STRA8: variants seen among roughly 807,000 people sequenced by gnomAD.
The protein encoded by STRA8 is stimulated by retinoic acid gene 8 protein homolog.
In STRA8, 18 loss-of-function variants were observed where a neutral mutation model predicts 37.1. That is an observed-to-expected ratio of 0.48 (90% CI 0.34 to 0.72). STRA8 has a LOEUF of 0.72. STRA8 is among the 30% of genes least tolerant of loss of function. STRA8 has a pLI of 0.01. For missense variants in STRA8, 357 were observed against 410.4 expected, an observed-to-expected ratio of 0.87 and a Z score of 1.13; for synonymous variants, 168 against 162.9, an observed-to-expected ratio of 1.03 and a Z score of -0.24.
chr7:135,238,195 C>T (rs1414154173), intron 1 of STRA8, among the ~76,000 whole-genome samples: 2 of 152,140 alleles, frequency 1.3e-5, no homozygotes, highest in Admixed American at 1.3e-4. Context: ...CCTCCCTGAG[C>T]CAAGGGGGGG....
At chr7:135,249,717 A>G (rs1832612244) in intron 6 of STRA8, among the ~76,000 whole-genome samples, 1 of 152,278 alleles carries the variant, frequency 6.6e-6, no homozygotes, top group Admixed American at 6.5e-5. Context: ...GATGCATGAC[A>G]GTATCTACCA....
At chr7:135,255,477 A>G (rs1411766136) in intron 8 of STRA8, among the ~76,000 whole-genome samples, 3 of 152,132 alleles carry the variant, frequency 2.0e-5, no homozygotes, top group Non-Finnish European at 2.9e-5. Flanking sequence ...GGGGTCCCCA[A>G]CTCCTAGGCC....
chr7:135,258,622 T>C lies in STRA8; in HGVS notation c.*130T>C. The C allele has an allele frequency of 1.5e-6, 1 of 683,214 alleles. No individual in the cohort carries two copies. The highest frequency in any genetic ancestry group is 2.5e-6 in the Non-Finnish European group (1 of 402,972). The allele number at this position is 683,214 out of a possible 1,614,324, so 42.3% of individuals were successfully genotyped here. ...GGAGTGGGTTGTTCCAGAAGCATTT[T>C]GATGATTTTAGTTTCTGATTATTAT... On this transcript the variant is annotated 3_prime_UTR_variant, in exon 9 of 9. Transcript: ENST00000662584.
chr7:135,234,605 A>T (rs961527059), intron 1 of STRA8, among the ~76,000 whole-genome samples: 1 of 152,164 alleles, frequency 6.6e-6, no homozygotes, highest in Non-Finnish European at 1.5e-5. Context: ...CATTTTTTTT[A>T]AAGTTTAGTC....
At chr7:135,245,966 C>T (rs913042338) in intron 5 of STRA8, 18 of 232,738 alleles carry the variant, frequency 7.7e-5, no homozygotes, top group Non-Finnish European at 1.3e-4. Context: ...CTCAAAGCCC[C>T]TCAGCAGCCA....
At chr7:135,232,385 A>C (rs972153613), upstream of STRA8, among the ~76,000 whole-genome samples, 5 of 152,064 alleles carry the variant, frequency 3.3e-5, no homozygotes, top group African/African-American at 1.2e-4. Flanking sequence ...CCCTAGGTCA[A>C]GGGCTGCGTG....
intron 6 of STRA8, among the ~76,000 whole-genome samples, chr7:135,249,514 G>A (rs1355886958): frequency 7.2e-5 from 11 of 151,762 alleles, no homozygotes; most frequent in African/African-American, 2.4e-4. Flanking sequence ...AACCTGGGAG[G>A]TGGAGGTTGC....
At chr7:135,243,284 T>C (rs763251190) in intron 3 of STRA8, 42 bp from the exon 4 acceptor site, 3 of 1,608,694 alleles carry the variant, frequency 1.9e-6, no homozygotes, top group Non-Finnish European at 2.6e-6. Flanking sequence ...AACAGAGGCC[T>C]GACTTTTCTC....
intron 8 of STRA8, among the ~76,000 whole-genome samples, chr7:135,257,049 T>C (rs1416943226): frequency 6.6e-6 from 1 of 152,204 alleles, no homozygotes; most frequent in East Asian, 1.9e-4. Flanking sequence ...GCCTGGAGAC[T>C]GTGGTCCCAC....
chr7:135,254,952 G>C (rs572465827), intron 7 of STRA8, among the ~76,000 whole-genome samples, 162 bp from the exon 8 acceptor site: 1 of 152,322 alleles, frequency 6.6e-6, no homozygotes, highest in Admixed American at 6.5e-5. Flanking sequence ...CATGATATGT[G>C]AGCAGAGGTA....
intron 1 of STRA8, among the ~76,000 whole-genome samples, chr7:135,234,781 C>T (rs1213139779): frequency 5.3e-5 from 8 of 152,194 alleles, no homozygotes; most frequent in South Asian, 2.1e-4. Flanking sequence ...AAGGTATCAA[C>T]GAAGCTGCCT....
intron 1 of STRA8, among the ~76,000 whole-genome samples, chr7:135,238,019 G>A (rs1290108455): frequency 1.3e-5 from 2 of 152,152 alleles, no homozygotes; most frequent in Non-Finnish European, 2.9e-5. Context: ...TGCCTTGTGC[G>A]GATCATACAT....
rs112201578 is a variant in STRA8, at chr7:135,246,112, C to T, written c.594-305C>T. 1,708 of 428,028 alleles carry T rather than the reference C, an allele frequency of 4.0e-3. 22 individuals carry two copies. Among genetic ancestry groups the T allele is most frequent in the African/African-American group, 0.032 (1,588 of 49,520 alleles). 26.5% of individuals were successfully genotyped at this position (428,028 alleles called of 1,614,324 possible). On this transcript the variant is annotated intron_variant, in intron 5 of 8. Transcript: ENST00000662584. The surrounding 1 kb of genome is among the most constrained non-coding windows in gnomAD (Gnocchi z 5.4). ...GGCTCAGAATTTTCAAGAATATTCC[C>T]TTAGGATGAGAGCTGAGGCAGCTAC...
intron 7 of STRA8, among the ~76,000 whole-genome samples, chr7:135,252,086 C>G (rs1214706563): frequency 6.6e-6 from 1 of 150,906 alleles, no homozygotes; most frequent in East Asian, 1.9e-4. Context: ...CCTCTGCAGT[C>G]CCTAGATGGG....
intron 6 of STRA8, among the ~76,000 whole-genome samples, chr7:135,247,540 G>A (rs537751364): frequency 7.2e-5 from 11 of 152,280 alleles, no homozygotes; most frequent in African/African-American, 2.6e-4. Flanking sequence ...AGTTAAGGAA[G>A]AACTTTTCCG....
At chr7:135,232,168 T>C, upstream of STRA8, 2 of 892,264 alleles carry the variant, frequency 2.2e-6, no homozygotes, top group South Asian at 2.8e-5. Context: ...AGGTCAGAGG[T>C]CAGTTTCCAA....
intron 3 of STRA8, among the ~76,000 whole-genome samples, 187 bp from the exon 4 acceptor site, chr7:135,243,139 G>A (rs1832492391): frequency 6.6e-6 from 1 of 152,156 alleles, no homozygotes; most frequent in African/African-American, 2.4e-5. Context: ...CAGAGGAAAA[G>A]TGGGCTCCTG....
rs774263287 is a variant in STRA8, at chr7:135,251,905, T to TGTGG, written c.953+41_953+44dup. On this transcript the variant is annotated intron_variant, in intron 7 of 8. Coordinates refer to ENST00000662584, the MANE Select transcript of STRA8 (RefSeq NM_001394401.1). ...GGGTGTGAGATAGCATGTGCCCCTG[T>TGTGG]GTGGGTGGATGTGAGATTGTGTGTG... The TGTGG allele has an allele frequency of 7.5e-6, 12 of 1,593,696 alleles. No individual in the cohort carries two copies. In the Admixed American group the frequency reaches 2.0e-4, roughly 27 times the overall value.
At chr7:135,231,980 TG>T (rs1757589891), upstream of STRA8, 1 of 1,613,914 alleles carries the variant, frequency 6.2e-7, no homozygotes, top group African/African-American at 1.3e-5. Context: ...CTTGCAGCTA[TG>T]GGGAAGATTG....
Sources: gnomAD v4.1 joint callset for allele counts (sites outside exome capture counted in the v4.1 genomes callset) on GRCh38, gnomAD v4.1.1 for gene constraint, Gnocchi (gnomAD v3.1) non-coding constraint, MANE v1.5 for transcripts, NCBI Gene and HGNC (gene_info 2026-07-23, HGNC 2026-07-21) for gene names.